Variants in GRB14 observed in about 807,000 individuals in gnomAD.
GRB14 encodes growth factor receptor bound protein 14, also known as growth factor receptor-bound protein 14.
GRB14 carries 38 observed loss-of-function variants against 69.1 expected under a neutral mutation model. That is an observed-to-expected ratio of 0.55 (90% confidence interval 0.42 to 0.72). GRB14 has a LOEUF of 0.72. Among genes scored for constraint, GRB14 ranks in the 30% least tolerant of loss-of-function variants. The pLI, the probability that GRB14 is intolerant of heterozygous loss-of-function variation, is 0.00. For synonymous variants in GRB14, 247 were observed against 241.3 expected (o/e 1.02, Z -0.22); for missense variants, 666 against 666.1 (o/e 1.00, Z 0.00).
chr2:164,524,258 T>C (rs1259862077), intron 5 of GRB14, among the ~76,000 whole-genome samples: 2 of 152,080 alleles, frequency 1.3e-5, no homozygotes, highest in East Asian at 3.9e-4. Flanking sequence ...GCAACCATTA[T>C]AAAGACATTG....
chr2:164,590,687 T>C (rs1689640494), intron 2 of GRB14, among the ~76,000 whole-genome samples: 2 of 152,216 alleles, frequency 1.3e-5, no homozygotes, highest in Admixed American at 6.5e-5. Flanking sequence ...TTCCGCACTA[T>C]CATTTCATCT....
intron 2 of GRB14, among the ~76,000 whole-genome samples, chr2:164,589,899 T>C (rs1288030134): frequency 6.6e-6 from 1 of 152,170 alleles, no homozygotes; most frequent in East Asian, 1.9e-4. Flanking sequence ...GCCAGCATTG[T>C]CGAGTTCTGG....
intron 2 of GRB14, chr2:164,574,051 C>T (rs894730217): frequency 3.4e-6 from 4 of 1,173,920 alleles, no homozygotes; most frequent in Admixed American, 3.6e-5. Flanking sequence ...AATATGTAGC[C>T]TAGATCTTCA....
chr2:164,553,992 C>G (rs1159993993), intron 2 of GRB14, among the ~76,000 whole-genome samples: 2 of 152,076 alleles, frequency 1.3e-5, no homozygotes, highest in African/African-American at 4.8e-5. Flanking sequence ...GAAAAGACAA[C>G]TGAAGCCTTA....
chr2:164,602,191 G>GGAAGT (rs1212973976), intron 2 of GRB14, among the ~76,000 whole-genome samples: 18 of 151,480 alleles, frequency 1.2e-4, no homozygotes, highest in African/African-American at 4.4e-4. Context: ...GGAAGGGAAG[G>GGAAGT]GAAGGGAGGG....
chr2:164,576,215 A>T (rs1217111151), intron 2 of GRB14, among the ~76,000 whole-genome samples: 1 of 152,048 alleles, frequency 6.6e-6, no homozygotes, highest in East Asian at 1.9e-4. Flanking sequence ...AATAGGTATA[A>T]AGATAATCAG....
intron 3 of GRB14, among the ~76,000 whole-genome samples, chr2:164,528,058 G>T (rs1227306861): frequency 6.6e-6 from 1 of 151,972 alleles, no homozygotes; most frequent in Non-Finnish European, 1.5e-5. Flanking sequence ...TTTAATTAAA[G>T]AATCCAGACA....
At chr2:164,536,478 G>T (rs1174002768) in intron 3 of GRB14, among the ~76,000 whole-genome samples, 2 of 152,138 alleles carry the variant, frequency 1.3e-5, no homozygotes, top group African/African-American at 4.8e-5. Flanking sequence ...TACAAATACA[G>T]ATAACTTACA....
chr2:164,593,894 A>G (rs938874550), intron 2 of GRB14, among the ~76,000 whole-genome samples: 3 of 152,182 alleles, frequency 2.0e-5, no homozygotes, highest in Non-Finnish European at 4.4e-5. Flanking sequence ...AGAATCAAAG[A>G]AAATGAAGCA....
chr2:164,574,775 T>C (rs1689212848), intron 2 of GRB14, among the ~76,000 whole-genome samples: 1 of 151,686 alleles, frequency 6.6e-6, no homozygotes, highest in South Asian at 2.1e-4. Context: ...ACCCTGTCTC[T>C]CTACAAAAAA....
chr2:164,613,660 G>A (rs1043563628), intron 2 of GRB14, among the ~76,000 whole-genome samples: 6 of 152,230 alleles, frequency 3.9e-5, no homozygotes. Context: ...AGAGAGAATA[G>A]AGAAAGTGGT....
chr2:164,621,320 C>A lies in GRB14; in HGVS notation c.-11G>T, dbSNP rs1690457247. The A allele has an allele frequency of 3.9e-6, 5 of 1,282,026 alleles. No individual in the cohort carries two copies. The highest frequency in any genetic ancestry group is 1.5e-5 in the African/African-American group (1 of 65,960). The allele number at this position is 1,282,026 out of a possible 1,614,324, so 79.4% of individuals were successfully genotyped here. A position where few individuals can be genotyped will look rare whatever the true frequency, so the allele number is the denominator to read the frequency against. Reference sequence around the variant, plus strand: ...CAGGGAAGTGGTCATTGTCGCCGGCCGGGGGGCTCGGGCGTCATGGGAGAC... The same window carrying A: ...CAGGGAAGTGGTCATTGTCGCCGGCAGGGGGGCTCGGGCGTCATGGGAGAC... On this transcript the variant is annotated 5_prime_UTR_variant, in exon 1 of 14. Coordinates refer to ENST00000263915, the MANE Select transcript of GRB14 (RefSeq NM_004490.3). The surrounding 1 kb of genome is among the most constrained non-coding windows in gnomAD (Gnocchi z 6.0).
intron 2 of GRB14, among the ~76,000 whole-genome samples, chr2:164,610,027 C>T (rs190351915): frequency 6.6e-6 from 1 of 152,100 alleles, no homozygotes; most frequent in Non-Finnish European, 1.5e-5. Flanking sequence ...TGTTTACACG[C>T]CCCAGGGTAA....
At chr2:164,566,193 GA>G (rs1688968499) in intron 2 of GRB14, among the ~76,000 whole-genome samples, 1 of 152,026 alleles carries the variant, frequency 6.6e-6, no homozygotes, top group East Asian at 1.9e-4. Context: ...GGCATATATG[GA>G]AAATAAATTA....
chr2:164,573,992 G>C (rs1689183171), intron 2 of GRB14: 1 of 1,564,798 alleles, frequency 6.4e-7, no homozygotes, highest in African/African-American at 1.4e-5. Flanking sequence ...CCAGATGTTG[G>C]CCATGAATAT....
chr2:164,543,142 T>TAA (rs546471070), intron 3 of GRB14, among the ~76,000 whole-genome samples: 3 of 147,684 alleles, frequency 2.0e-5, no homozygotes, highest in African/African-American at 5.0e-5. Flanking sequence ...AAAATAAAAT[T>TAA]AAAAAAAAAA....
chr2:164,569,459 C>T (rs916794469), intron 2 of GRB14, among the ~76,000 whole-genome samples: 1 of 152,192 alleles, frequency 6.6e-6, no homozygotes, highest in Non-Finnish European at 1.5e-5. Context: ...CACTGAACTG[C>T]TCAATGCTCT....
intron 2 of GRB14, among the ~76,000 whole-genome samples, chr2:164,571,985 T>C (rs758622723): frequency 6.6e-6 from 1 of 152,212 alleles, no homozygotes; most frequent in Admixed American, 6.5e-5. Flanking sequence ...ACCTGCTTTA[T>C]AAATATGTAT....
chr2:164,551,574 A>G (rs1291748317), intron 2 of GRB14, among the ~76,000 whole-genome samples: 1 of 152,182 alleles, frequency 6.6e-6, no homozygotes, highest in East Asian at 1.9e-4. Context: ...CCCAAACCAA[A>G]TAAGACAAAC....
Sources: gnomAD v4.1 joint callset for allele counts (sites outside exome capture counted in the v4.1 genomes callset) on GRCh38, gnomAD v4.1.1 for gene constraint, Gnocchi (gnomAD v3.1) non-coding constraint, MANE v1.5 for transcripts, NCBI Gene and HGNC (gene_info 2026-07-23, HGNC 2026-07-21) for gene names.